ANKRD34C: variants seen among roughly 807,000 people sequenced by gnomAD.
ANKRD34C encodes ankyrin repeat domain-containing protein 34C.
For missense variants in ANKRD34C, 563 were observed against 653.0 expected (o/e 0.86, Z 1.50); for synonymous variants, 260 against 253.6 (o/e 1.03, Z -0.24).
rs2058665529 is a variant in ANKRD34C at position 79,293,832 on chromosome 15, C to T, written c.548C>T (p.Pro183Leu). Residue 183 changes from proline (P) to leucine (L), a missense_variant, in exon 2 of 2, where the codon CCA becomes CTA. Physicochemically the swap from Pro to Leu is moderately conservative, Grantham distance 98 (BLOSUM62 -3). Coordinates refer to ENST00000421388, the MANE Select transcript of ANKRD34C (RefSeq NM_001146341.2). The part of the protein sequence containing the change: ...SPKVEDRHSP[P>L]LCASPSDIEL... The stretch of plus-strand genomic sequence containing the variant: ...AAAGTAGAAGACAGGCATTCACCTC[C>T]ACTGTGTGCGTCTCCCTCTGACATA... 2 of 1,551,618 alleles carry T rather than the reference C, an allele frequency of 1.3e-6. No homozygotes were observed. Among genetic ancestry groups the T allele is most frequent in the South Asian group, 2.4e-5 (2 of 84,066 alleles).
At chr15:79,292,884 G>T (rs1335655913) in intron 1 of ANKRD34C, among the ~76,000 whole-genome samples, 1 of 152,202 alleles carries the variant, frequency 6.6e-6, no homozygotes, top group Non-Finnish European at 1.5e-5. Context: ...AAGGAATGTA[G>T]AGTTCTACAT....
In ANKRD34C at chr15:79,293,887, A is replaced by G. The variant is rs2058665720; in HGVS notation, c.603A>G (p.Pro201=). ...TGAAGGCTCTAGGCCTGGACTCTCCACTCACTGAGAAGGAAGATGACTTCT... is the reference window on the plus strand; with the variant it reads ...TGAAGGCTCTAGGCCTGGACTCTCCGCTCACTGAGAAGGAAGATGACTTCT... ...IELKALGLDS[P]LTEKEDDFFS... The change falls in exon 2 of 2, where the codon CCA becomes CCG. Residue 201 remains proline (P), a synonymous_variant. Transcript: ENST00000421388. 9 of 1,551,632 alleles carry G rather than the reference A, an allele frequency of 5.8e-6. No individual in the cohort carries two copies. Among genetic ancestry groups the G allele is most frequent in the Non-Finnish European group, 7.8e-6 (9 of 1,146,968 alleles).
chr15:79,284,069 A>T (rs1433281384), intron 1 of ANKRD34C: 3 of 152,248 alleles, frequency 2.0e-5, no homozygotes, highest in Non-Finnish European at 4.4e-5. Flanking sequence ...AAACTTCTTT[A>T]AAAATCTAGC....
At chr15:79,287,961 G>T (rs1482550986) in intron 1 of ANKRD34C, among the ~76,000 whole-genome samples, 16 of 152,196 alleles carry the variant, frequency 1.1e-4, no homozygotes. Context: ...TGCACATGGG[G>T]CCGGTCAAAT....
At chr15:79,288,373 A>C (rs1251334897) in intron 1 of ANKRD34C, among the ~76,000 whole-genome samples, 2 of 152,228 alleles carry the variant, frequency 1.3e-5, no homozygotes, top group Non-Finnish European at 2.9e-5. Context: ...GAAATTGTAT[A>C]ATCTATTGCA....
Position 79,282,937 on chromosome 15 carries a change from C to T in ANKRD34C, c.-336C>T, listed in dbSNP as rs1056699151. ...AAACCAAACCAAACCAAACCCAAAA[C>T]TCCCCTGCTCCCACCGCAACTTGGA... On this transcript the variant is annotated 5_prime_UTR_variant, in exon 1 of 2. Transcript: ENST00000421388. Among the ~76,000 whole-genome samples the T allele has an allele frequency of 1.2e-4, 19 of 152,294 alleles. No homozygotes were observed. Among genetic ancestry groups the T allele is most frequent in the African/African-American group, 4.6e-4 (19 of 41,568 alleles).
At position 79,282,845 on chromosome 15, in the gene ANKRD34C, C is replaced by A. The variant is rs1408796471; in HGVS notation, c.-428C>A. 6.6e-6 allele frequency among the ~76,000 whole-genome samples: 1 copy of A among 152,274 alleles called. No individual in the cohort carries two copies. The highest frequency in any genetic ancestry group is 1.5e-5 in the Non-Finnish European group (1 of 68,054). On this transcript the variant is annotated 5_prime_UTR_variant, in exon 1 of 2. Transcript: ENST00000421388. Reference sequence around the variant, plus strand: ...GTCTGGGGCTGCGCAGAGACCTGCACACCCGCAGCGCGGAACCGGGGGCGA... The same window carrying A: ...GTCTGGGGCTGCGCAGAGACCTGCAAACCCGCAGCGCGGAACCGGGGGCGA...
Position 79,291,601 on chromosome 15 carries a change from C to CACACACACACACACAGAG in ANKRD34C, c.-44-1639_-44-1638insCACACACACACACAGAGA, listed in dbSNP as rs1429207880. ...ACACACACACACACACACACACACA[C>CACACACACACACACAGAG]AGAGAGAGAGAGAGAGAGAGAGAGA... On this transcript the variant is annotated intron_variant, in intron 1 of 1. Coordinates refer to ENST00000421388, the MANE Select transcript of ANKRD34C (RefSeq NM_001146341.2). Among the ~76,000 whole-genome samples, 3 of 83,908 alleles carry CACACACACACACACAGAG rather than the reference C, an allele frequency of 3.6e-5. No individual in the cohort carries two copies. In the Admixed American group the frequency reaches 3.9e-4, roughly 11 times the overall value. The allele number at this position is 83,908 out of a possible 152,430, so 55.0% of individuals were successfully genotyped here.
rs1567017615 is a variant in ANKRD34C, at chr15:79,297,972, C to T, written c.*3080C>T. ...GGTTTAATTTCTAGACTTTCCAAAG[C>T]TTTTTTTTTTCTTTTTAAAAAGCCC... On this transcript the variant is annotated 3_prime_UTR_variant, in exon 2 of 2. Transcript: ENST00000421388. The T allele has an allele frequency of 6.2e-6, 1 of 161,976 alleles. No homozygotes were observed. Among genetic ancestry groups the T allele is most frequent in the African/African-American group, 2.5e-5 (1 of 40,540 alleles). 10.0% of individuals were successfully genotyped at this position (161,976 alleles called of 1,614,324 possible).
At chr15:79,286,563 A>T (rs555436133) in intron 1 of ANKRD34C, among the ~76,000 whole-genome samples, 1 of 152,318 alleles carries the variant, frequency 6.6e-6, no homozygotes, top group East Asian at 1.9e-4. Flanking sequence ...TTTCAAATGA[A>T]GGTAAATTAG....
intron 1 of ANKRD34C, chr15:79,283,788 G>C (rs553307293): frequency 9.8e-5 from 15 of 152,286 alleles, no homozygotes; most frequent in African/African-American, 3.6e-4. Context: ...GAGCCCCGCC[G>C]CCCGAGGCGC....
At position 79,293,942 on chromosome 15, in the gene ANKRD34C, T is replaced by A; in HGVS notation, c.658T>A (p.Cys220Ser). 6.4e-7 allele frequency: 1 copy of A among 1,551,630 alleles called. No homozygotes were observed. The highest frequency in any genetic ancestry group is 8.7e-7 in the Non-Finnish European group (1 of 1,146,978). The change falls in exon 2 of 2, where the codon TGT becomes AGT. Residue 220 changes from cysteine to serine, a missense_variant. Transcript: ENST00000421388. ...CCTCCAAGCAGGGCATCCAAGCAGT[T>A]GTAACACCTCCAAGGCTGTTAATGA... Reference protein sequence around the residue: ...FSLQAGHPSSCNTSKAVNEPG... With the variant: ...FSLQAGHPSSSNTSKAVNEPG...
intron 1 of ANKRD34C, among the ~76,000 whole-genome samples, chr15:79,289,170 C>T (rs1487507355): frequency 6.6e-6 from 1 of 152,196 alleles, no homozygotes; most frequent in Non-Finnish European, 1.5e-5. Context: ...AGCATGCTAA[C>T]AGTTAATGTT....
intron 1 of ANKRD34C, among the ~76,000 whole-genome samples, chr15:79,290,339 T>C (rs897639671): frequency 6.6e-6 from 1 of 152,152 alleles, no homozygotes; most frequent in East Asian, 1.9e-4. Flanking sequence ...TTCTTCTTGA[T>C]GGGTTGTTTC....
Position 79,294,646 on chromosome 15 carries a change from C to T in ANKRD34C, c.1362C>T (p.Arg454=), listed in dbSNP as rs2058668183. Residue 454 remains arginine, a synonymous_variant, in exon 2 of 2, where the codon CGC becomes CGT. Coordinates refer to ENST00000421388, the MANE Select transcript of ANKRD34C (RefSeq NM_001146341.2). ...GTTCTGGAACTCTGCTCCTTGATCG[C>T]ATTTCTCACACTAGGCCTGGCTTCC... is the stretch of plus-strand genomic sequence containing the variant. ...RRGSGTLLLD[R]ISHTRPGFLP... 2 of 1,551,716 alleles carry T rather than the reference C, an allele frequency of 1.3e-6. No homozygotes were observed. Among genetic ancestry groups the T allele is most frequent in the Non-Finnish European group, 1.7e-6 (2 of 1,147,004 alleles).
At chr15:79,292,187 A>T (rs2058661602) in intron 1 of ANKRD34C, among the ~76,000 whole-genome samples, 1 of 152,214 alleles carries the variant, frequency 6.6e-6, no homozygotes, top group Non-Finnish European at 1.5e-5. Context: ...TGGAGGCACA[A>T]AAAGCCTGTG....
chr15:79,294,602 C>T lies in ANKRD34C; in HGVS notation c.1318C>T (p.His440Tyr). 6.4e-7 allele frequency: 1 copy of T among 1,551,742 alleles called. No homozygotes were observed. Among genetic ancestry groups the T allele is most frequent in the Non-Finnish European group, 8.7e-7 (1 of 1,146,994 alleles). ...CAGCTCAGCACGCCGCAGGCCGCCA[C>T]ATCTTCTAGAACGACGAGGTTCTGG... Reference protein sequence around the residue: ...SPSSARRRPPHLLERRGSGTL... With the variant: ...SPSSARRRPPYLLERRGSGTL... The change falls in exon 2 of 2, where the codon CAT becomes TAT. Residue 440 changes from histidine to tyrosine, a missense_variant. By Grantham distance (83) the His-to-Tyr change is moderately conservative (BLOSUM62 2). Transcript: ENST00000421388.
At position 79,294,368 on chromosome 15, in the gene ANKRD34C, G is replaced by A. The variant is rs2058667275; in HGVS notation, c.1084G>A (p.Gly362Arg). 9.0e-6 allele frequency: 14 copies of A among 1,551,616 alleles called. No homozygotes were observed. The highest frequency in any genetic ancestry group is 1.1e-5 in the Non-Finnish European group (13 of 1,146,968). Residue 362 changes from glycine (G) to arginine (R), a missense_variant, in exon 2 of 2, where the codon GGA (glycine) becomes AGA (arginine). Coordinates refer to ENST00000421388, the MANE Select transcript of ANKRD34C (RefSeq NM_001146341.2). ...DQEKCGMGPS[G>R]PSALKEPASL... The stretch of plus-strand genomic sequence containing the variant: ...AGAGAAATGTGGTATGGGTCCATCA[G>A]GACCCTCTGCTCTCAAAGAGCCTGC...
intron 1 of ANKRD34C, among the ~76,000 whole-genome samples, chr15:79,291,203 G>A (rs1324044331): frequency 4.6e-5 from 7 of 152,164 alleles, no homozygotes; most frequent in East Asian, 3.9e-4. Context: ...GAGCAAGGAC[G>A]CCTTATAGTT....
Sources: allele counts gnomAD v4.1 joint callset (sites outside exome capture counted in the v4.1 genomes callset), GRCh38; gene constraint gnomAD v4.1.1; transcripts MANE v1.5; gene names NCBI Gene and HGNC (gene_info 2026-07-23, HGNC 2026-07-21).